Variants in CSNK1G2 observed in about 807,000 individuals in gnomAD.
CSNK1G2 encodes casein kinase 1 gamma 2, also known as casein kinase I isoform gamma-2.
In CSNK1G2, 11 loss-of-function variants were observed where a neutral mutation model predicts 48.0. The ratio of observed to expected loss-of-function variants is 0.23; its 90% confidence interval spans 0.14 to 0.38. The LOEUF is 0.38. CSNK1G2 is among the 10% of genes least tolerant of loss of function. CSNK1G2 has a pLI of 1.00. For synonymous variants in CSNK1G2, 337 were observed against 254.1 expected (o/e 1.33, Z -3.10); for missense variants, 446 against 595.5 (o/e 0.75, Z 2.61).
At chr19:1,953,853 G>A (rs535234178) in intron 1 of CSNK1G2, 20 of 533,108 alleles carry the variant, frequency 3.8e-5, no homozygotes, top group African/African-American at 3.5e-4. Context: ...CTGGACTCTT[G>A]CCTTTGCTGA....
intron 1 of CSNK1G2, chr19:1,952,669 T>C (rs572355377): frequency 1.0e-5 from 2 of 191,984 alleles, no homozygotes; most frequent in African/African-American, 4.8e-5. Context: ...GATGCTGAGG[T>C]GAGTACAGGC....
intron 1 of CSNK1G2, among the ~76,000 whole-genome samples, chr19:1,967,032 G>C (rs558262749): frequency 8.1e-6 from 1 of 122,864 alleles, no homozygotes; most frequent in South Asian, 2.6e-4. Context: ...ACCACGCCCC[G>C]CTTAATTAAA....
intron 2 of CSNK1G2, among the ~76,000 whole-genome samples, chr19:1,977,011 T>A (rs1169551882): frequency 6.6e-6 from 1 of 152,182 alleles, no homozygotes; most frequent in Non-Finnish European, 1.5e-5. Context: ...AGTGCTGGGA[T>A]TACAGGCATA....
Position 1,943,231 on chromosome 19 carries a change from A to G in CSNK1G2, c.-266+1813A>G, listed in dbSNP as rs113325585. 3.3e-5 allele frequency among the ~76,000 whole-genome samples: 5 copies of G among 152,204 alleles called. 1 individual carries two copies. The highest frequency in any genetic ancestry group is 9.6e-5 in the African/African-American group (4 of 41,512). On this transcript the variant is annotated intron_variant, in intron 1 of 11. Coordinates refer to ENST00000255641, the MANE Select transcript of CSNK1G2 (RefSeq NM_001319.7). The stretch of plus-strand genomic sequence containing the variant: ...CAAGTGGTCTGTAGTGTCTGGATTT[A>G]CTGTGCCTGCTGTGCCTTCGGACTT...
chr19:1,976,143 G>GTTGGGTGT, intron 2 of CSNK1G2: 1 of 1,275,616 alleles, frequency 7.8e-7, no homozygotes, highest in Non-Finnish European at 1.0e-6. Context: ...GGCAATGAGT[G>GTTGGGTGT]TTGGGTGTTT....
chr19:1,971,383 T>C (rs1337967142), intron 2 of CSNK1G2, among the ~76,000 whole-genome samples: 1 of 152,234 alleles, frequency 6.6e-6, no homozygotes, highest in Non-Finnish European at 1.5e-5. Flanking sequence ...TCCGACGGCC[T>C]GTGGCTCAGG....
At chr19:1,966,994 C>T (rs2015384217) in intron 1 of CSNK1G2, among the ~76,000 whole-genome samples, 1 of 152,116 alleles carries the variant, frequency 6.6e-6, no homozygotes, top group Non-Finnish European at 1.5e-5. Context: ...CCTCAGTCTC[C>T]CGAGTAGCTG....
intron 1 of CSNK1G2, among the ~76,000 whole-genome samples, chr19:1,965,208 CG>C (rs1436969882): frequency 6.7e-6 from 1 of 149,608 alleles, no homozygotes; most frequent in Non-Finnish European, 1.5e-5. Context: ...ACAGTGAAAC[CG>C]CGTCTCTACT....
intron 2 of CSNK1G2, among the ~76,000 whole-genome samples, chr19:1,976,939 A>G (rs986310664): frequency 6.6e-6 from 1 of 151,998 alleles, no homozygotes; most frequent in African/African-American, 2.4e-5. Context: ...GGGTTTCTCC[A>G]TGTTTGTCAG....
chr19:1,946,858 G>T (rs1398004459), intron 1 of CSNK1G2, among the ~76,000 whole-genome samples: 9 of 151,870 alleles, frequency 5.9e-5, no homozygotes, highest in Non-Finnish European at 1.2e-4. Flanking sequence ...TGATCTGCCC[G>T]CCTCGGCCTC....
intron 2 of CSNK1G2, chr19:1,974,816 A>G (rs1322947553): frequency 6.6e-6 from 1 of 152,192 alleles, no homozygotes; most frequent in Non-Finnish European, 1.5e-5. Flanking sequence ...AGGACCCCGC[A>G]CTCCGGCCAT....
chr19:1,978,354 G>T lies in CSNK1G2; in HGVS notation c.228+9G>T. ...ACGTGGCTATCAAATTGGTGAGTCG[G>T]CCCCTCCACCCCACCCCCGCTGACG... On this transcript the variant is annotated intron_variant, in intron 3 of 11. Transcript: ENST00000255641. The surrounding 1 kb of genome is among the most constrained non-coding windows in gnomAD (Gnocchi z 7.3). 6.2e-7 allele frequency: 1 copy of T among 1,613,270 alleles called. No individual in the cohort carries two copies. The highest frequency in any genetic ancestry group is 8.5e-7 in the Non-Finnish European group (1 of 1,179,816).
Position 1,978,460 on chromosome 19 carries a change from G to A in CSNK1G2, c.247G>A (p.Ala83Thr). 2 of 1,607,612 alleles carry A rather than the reference G, an allele frequency of 1.2e-6. No individual in the cohort carries two copies. The highest frequency in any genetic ancestry group is 1.7e-6 in the Non-Finnish European group (2 of 1,177,688). Residue 83 changes from alanine (A) to threonine (T), a missense_variant, in exon 4 of 12, where the codon GCC (alanine) becomes ACC (threonine). Physicochemically the swap from Ala to Thr is moderately conservative, Grantham distance 58. This residue lies in a region of CSNK1G2 where 258 missense variants were observed against 415.9 expected (regional missense o/e 0.62). Coordinates refer to ENST00000255641, the MANE Select transcript of CSNK1G2 (RefSeq NM_001319.7). The surrounding 1 kb of genome is among the most constrained non-coding windows in gnomAD (Gnocchi z 7.3). ...CCCCCAGGAGCCGATCAAGTCCCGGGCCCCGCAGCTGCACCTGGAGTACCG... is the reference window on the plus strand; with the variant it reads ...CCCCCAGGAGCCGATCAAGTCCCGGACCCCGCAGCTGCACCTGGAGTACCG... ...AIKLEPIKSR[A>T]PQLHLEYRFY...
chr19:1,978,440 A>G lies in CSNK1G2; in HGVS notation c.229-2A>G. The G allele has an allele frequency of 6.2e-7, 1 of 1,610,262 alleles. No homozygotes were observed. Among genetic ancestry groups the G allele is most frequent in the Non-Finnish European group, 8.5e-7 (1 of 1,178,904 alleles). ...CCTGGTGACTCGCTCTTGTGCCCCC[A>G]GGAGCCGATCAAGTCCCGGGCCCCG... On this transcript the variant is annotated splice_acceptor_variant, in intron 3 of 11. Coordinates refer to ENST00000255641, the MANE Select transcript of CSNK1G2 (RefSeq NM_001319.7). LOFTEE classifies it high-confidence loss of function. This position sits in a 1 kb window ranked among gnomAD's most constrained non-coding sequence, Gnocchi z 7.3.
intron 11 of CSNK1G2, 56 bp from the exon 12 acceptor site, chr19:1,980,093 T>C: frequency 6.2e-7 from 1 of 1,606,684 alleles, no homozygotes; most frequent in Non-Finnish European, 8.5e-7. Context: ...GCCTGAGGCC[T>C]GGGCTGCCCC....
chr19:1,945,931 G>T (rs115805393), intron 1 of CSNK1G2, among the ~76,000 whole-genome samples: 4,815 of 152,290 alleles, frequency 0.032, 145 homozygotes, highest in African/African-American at 0.083. Flanking sequence ...ATGGGGTGAG[G>T]ACCGAAGCTG....
Position 1,969,638 on chromosome 19 carries a change from G to C in CSNK1G2, c.-135G>C. 2.6e-6 allele frequency: 2 copies of C among 758,128 alleles called. No homozygotes were observed. Among genetic ancestry groups the C allele is most frequent in the Non-Finnish European group, 1.8e-6 (1 of 543,890 alleles). The allele number at this position is 758,128 out of a possible 1,614,324, so 47.0% of individuals were successfully genotyped here. ...CGAACGCCTGCGTCTCAGTAGCTGG[G>C]AGCCACGGGCCCACGCCCGCCCACC... On this transcript the variant is annotated 5_prime_UTR_variant, in exon 2 of 12. Transcript: ENST00000255641.
intron 1 of CSNK1G2, among the ~76,000 whole-genome samples, chr19:1,955,466 C>A (rs2014952787): frequency 1.4e-5 from 2 of 144,518 alleles, no homozygotes; most frequent in South Asian, 4.2e-4. Flanking sequence ...CAGCGCCCCC[C>A]ACTGAGGCTC....
intron 2 of CSNK1G2, among the ~76,000 whole-genome samples, chr19:1,971,376 G>A (rs114281660): frequency 0.017 from 2,615 of 152,302 alleles, 65 homozygotes; most frequent in African/African-American, 0.06. Flanking sequence ...CTGCCGGTCC[G>A]ACGGCCTGTG....
Sources: allele counts gnomAD v4.1 joint callset (sites outside exome capture counted in the v4.1 genomes callset), GRCh38; gene constraint gnomAD v4.1.1; regional missense constraint gnomAD v4.1.1; non-coding constraint Gnocchi (gnomAD v3.1); transcripts MANE v1.5; gene names NCBI Gene and HGNC (gene_info 2026-07-23, HGNC 2026-07-21).